Variants in ACP7 observed in about 807,000 individuals in gnomAD.
ACP7 encodes the protein acid phosphatase 7, tartrate resistant (putative), also known as acid phosphatase type 7.
In ACP7, 58 loss-of-function variants were observed where a neutral mutation model predicts 60.6. The ratio of observed to expected loss-of-function variants is 0.96; its 90% CI spans 0.77 to 1.19. ACP7 has a LOEUF of 1.19. Ranked by LOEUF, ACP7 falls within the 50% of genes most tolerant of loss-of-function variation. ACP7 has a pLI of 0.00. For missense variants in ACP7, 574 were observed against 596.2 expected (o/e 0.96, Z 0.39); for synonymous variants, 237 against 232.6 (o/e 1.02, Z -0.17).
In ACP7 at chr19:39,101,505, C is replaced by T. The variant is rs1284633807; in HGVS notation, c.1081C>T (p.Arg361Ter). Residue 361 changes from arginine (R) to a stop codon, truncating the protein, a stop_gained, in exon 11 of 13, where the codon CGA becomes TGA. Transcript: ENST00000331256. LOFTEE classifies it high-confidence loss of function. The part of the protein sequence containing the change: ...GSREMPYTNP[R>*]GPVHIITGSA... ...CCGAGAGATGCCCTACACCAACCCG[C>T]GAGGGCCTGTCCACATCATCACAGG... is the stretch of plus-strand genomic sequence containing the variant. 6.2e-7 allele frequency: 1 copy of T among 1,614,094 alleles called. No homozygotes were observed. Among genetic ancestry groups the T allele is most frequent in the Non-Finnish European group, 8.5e-7 (1 of 1,180,008 alleles).
intron 2 of ACP7, among the ~76,000 whole-genome samples, chr19:39,091,087 C>T (rs1203144374): frequency 6.6e-6 from 1 of 151,972 alleles, no homozygotes; most frequent in Non-Finnish European, 1.5e-5. Context: ...CAAATGATTC[C>T]AGGCTCCTCT....
Position 39,107,102 on chromosome 19 carries a change from C to A in ACP7, c.1251+18C>A, listed in dbSNP as rs373844928. 80 of 1,612,680 alleles carry A rather than the reference C, an allele frequency of 5.0e-5. No individual in the cohort carries two copies. In the African/African-American group the frequency reaches 7.1e-4, roughly 14 times the overall value. On this transcript the variant is annotated intron_variant, in intron 12 of 12. Transcript: ENST00000331256. Reference sequence around the variant, plus strand: ...ACGACCAGGTCAGTGAGGGGCAGGCCGAAGTCACCTGACTGTACAGCCAGG... The same window carrying A: ...ACGACCAGGTCAGTGAGGGGCAGGCAGAAGTCACCTGACTGTACAGCCAGG...
intron 2 of ACP7, among the ~76,000 whole-genome samples, chr19:39,090,478 T>C (rs1179052715): frequency 6.6e-6 from 1 of 151,306 alleles, no homozygotes; most frequent in Non-Finnish European, 1.5e-5. Context: ...CAATAACTTT[T>C]AATTAATTAA....
At chr19:39,093,187 C>CTTCCTTCCTTCCTTCCTTCA (rs2073228178) in intron 2 of ACP7, among the ~76,000 whole-genome samples, 1 of 57,828 alleles carries the variant, frequency 1.7e-5, no homozygotes, top group Non-Finnish European at 3.5e-5. Flanking sequence ...TCCTTCCTTC[C>CTTCCTTCCTTCCTTCCTTCA]TTCTTTCTTT....
chr19:39,090,464 C>T (rs1013581536), intron 2 of ACP7, among the ~76,000 whole-genome samples: 5 of 148,746 alleles, frequency 3.4e-5, no homozygotes, highest in African/African-American at 5.0e-5. Context: ...CCACTGTGCC[C>T]GGCCAATAAC....
In ACP7 at chr19:39,098,442, G is replaced by A. The variant is rs1568479295; in HGVS notation, c.122-16G>A. On this transcript the variant is annotated splice_polypyrimidine_tract_variant and intron_variant, in intron 2 of 12. Coordinates refer to ENST00000331256, the MANE Select transcript of ACP7 (RefSeq NM_001004318.3). Reference sequence around the variant, plus strand: ...AGGCTTCACTCCCGGTCTACCCTCTGTCCCTTTCTCCCCAGGTGAGCCAGG... The same window carrying A: ...AGGCTTCACTCCCGGTCTACCCTCTATCCCTTTCTCCCCAGGTGAGCCAGG... 1.3e-6 allele frequency: 2 copies of A among 1,505,824 alleles called. No homozygotes were observed. Among genetic ancestry groups the A allele is most frequent in the Non-Finnish European group, 1.8e-6 (2 of 1,122,854 alleles). The allele number at this position is 1,505,824 out of a possible 1,614,324, so 93.3% of individuals were successfully genotyped here.
rs762886109 is a variant in ACP7 at position 39,101,326 on chromosome 19, G to A, written c.1012G>A (p.Glu338Lys). The change falls in exon 10 of 13, where the codon GAA (glutamate) becomes AAA (lysine). Residue 338 changes from glutamate (E) to lysine (K), a missense_variant. Transcript: ENST00000331256. ...GCTGTGGGCTCATGAGCACTCGTAT[G>A]AACGACTGTGGCCAATTTACAACTA... ...LQLWAHEHSYERLWPIYNYQV... is the reference protein window; with the variant it reads ...LQLWAHEHSYKRLWPIYNYQV... 2 of 1,614,054 alleles carry A rather than the reference G, an allele frequency of 1.2e-6. No individual in the cohort carries two copies. Among genetic ancestry groups the A allele is most frequent in the East Asian group, 2.2e-5 (1 of 44,896 alleles).
At chr19:39,086,701 A>G (rs1600249338) in intron 2 of ACP7, among the ~76,000 whole-genome samples, 1 of 151,858 alleles carries the variant, frequency 6.6e-6, no homozygotes, top group South Asian at 2.1e-4. Flanking sequence ...CATACACTTT[A>G]AATCTCAGGA....
At chr19:39,084,804 C>T (rs1446629196) in intron 1 of ACP7, among the ~76,000 whole-genome samples, 1 of 152,048 alleles carries the variant, frequency 6.6e-6, no homozygotes, top group Non-Finnish European at 1.5e-5. Context: ...CGCTCCCAGA[C>T]CCCCAGCACT....
chr19:39,098,274 AAAAAAGAAAAGAAAAG>A (rs1568479180), intron 2 of ACP7, among the ~76,000 whole-genome samples, 168 bp from the exon 3 acceptor site: 1 of 144,618 alleles, frequency 6.9e-6, no homozygotes, highest in Non-Finnish European at 1.5e-5. Flanking sequence ...AAAAAAAAAA[AAAAAAGAAAAGAAAAG>A]AAAAGAAAAG....
At chr19:39,096,445 C>T (rs899671900) in intron 2 of ACP7, among the ~76,000 whole-genome samples, 1 of 152,160 alleles carries the variant, frequency 6.6e-6, no homozygotes, top group African/African-American at 2.4e-5. Flanking sequence ...CACCTGAGAG[C>T]ACCTCTGCCT....
intron 12 of ACP7, among the ~76,000 whole-genome samples, chr19:39,108,185 G>T (rs1269102176): frequency 6.7e-6 from 1 of 149,836 alleles, no homozygotes; most frequent in Non-Finnish European, 1.5e-5. Flanking sequence ...TGTCACCCAG[G>T]CTGGAATGCA....
intron 2 of ACP7, among the ~76,000 whole-genome samples, chr19:39,089,808 G>A (rs1308943961): frequency 6.6e-6 from 1 of 152,228 alleles, no homozygotes; most frequent in Non-Finnish European, 1.5e-5. Context: ...GACTATCATA[G>A]ATATGATGTT....
intron 1 of ACP7, among the ~76,000 whole-genome samples, chr19:39,084,806 C>G (rs2073122690): frequency 6.6e-6 from 1 of 152,022 alleles, no homozygotes; most frequent in African/African-American, 2.4e-5. Flanking sequence ...CTCCCAGACC[C>G]CCAGCACTGA....
intron 11 of ACP7, among the ~76,000 whole-genome samples, chr19:39,106,265 A>G (rs765933619): frequency 1.3e-5 from 2 of 152,026 alleles, no homozygotes; most frequent in Non-Finnish European, 2.9e-5. Context: ...TGTTCTTCAA[A>G]TTGCTTTTTC....
intron 2 of ACP7, among the ~76,000 whole-genome samples, chr19:39,094,082 A>G (rs2073239600): frequency 6.6e-6 from 1 of 152,192 alleles, no homozygotes; most frequent in Non-Finnish European, 1.5e-5. Flanking sequence ...ATTACACTAC[A>G]CCACACGGTA....
intron 5 of ACP7, 62 bp from the exon 6 acceptor site, chr19:39,100,518 A>G: frequency 6.2e-7 from 1 of 1,603,392 alleles, no homozygotes; most frequent in Non-Finnish European, 8.5e-7. Context: ...GTGGCGGGGT[A>G]TAGGAGTAGG....
intron 5 of ACP7, 53 bp downstream of exon 5, chr19:39,100,403 C>A (rs2073325875): frequency 9.3e-6 from 15 of 1,607,724 alleles, no homozygotes; most frequent in African/African-American, 1.3e-5. Flanking sequence ...TGGAAATGGT[C>A]TCGTTCTTCT....
chr19:39,086,671 T>G (rs2073146158), intron 2 of ACP7, among the ~76,000 whole-genome samples: 1 of 150,114 alleles, frequency 6.7e-6, no homozygotes, highest in Non-Finnish European at 1.5e-5. Flanking sequence ...GAACGGAGCT[T>G]GGCATGTAGC....
Sources: allele counts gnomAD v4.1 joint callset (sites outside exome capture counted in the v4.1 genomes callset), GRCh38; gene constraint gnomAD v4.1.1; transcripts MANE v1.5; gene names NCBI Gene and HGNC (gene_info 2026-07-23, HGNC 2026-07-21).